Variants in MSRA observed in about 807,000 individuals in gnomAD.
The protein encoded by MSRA is mitochondrial peptide methionine sulfoxide reductase.
Under a neutral mutation model 31.3 loss-of-function variants are expected in MSRA, and 54 were observed. That is an observed-to-expected ratio of 1.73 (90% CI 1.39 to 2.17). The LOEUF (loss-of-function observed/expected upper bound fraction) is 2.17. Among genes scored for constraint, MSRA ranks in the 30% most tolerant of loss-of-function variants. MSRA has a pLI of 0.00. For synonymous variants in MSRA, 169 were observed against 116.5 expected (o/e 1.45, Z -2.90); for missense variants, 507 against 300.9 (o/e 1.69, Z -5.07).
At chr8:10,341,027 A>C (rs1432502900) in intron 5 of MSRA, among the ~76,000 whole-genome samples, 1 of 152,246 alleles carries the variant, frequency 6.6e-6, no homozygotes, top group Non-Finnish European at 1.5e-5. Flanking sequence ...TTAGATGCCA[A>C]GTGAGAGGTT....
intron 3 of MSRA, among the ~76,000 whole-genome samples, chr8:10,293,089 G>C (rs957595172): frequency 6.6e-6 from 1 of 152,144 alleles, no homozygotes; most frequent in African/African-American, 2.4e-5. Context: ...CAGTAAAATG[G>C]ACATAGGAGC....
intron 3 of MSRA, among the ~76,000 whole-genome samples, chr8:10,281,334 C>T (rs950051383): frequency 1.3e-5 from 2 of 152,096 alleles, no homozygotes; most frequent in Non-Finnish European, 2.9e-5. Context: ...TTGGAAATGT[C>T]GAATAACAAA....
intron 1 of MSRA, among the ~76,000 whole-genome samples, chr8:10,125,968 A>C (rs934987321): frequency 1.4e-4 from 21 of 152,336 alleles, no homozygotes; most frequent in African/African-American, 4.8e-4. Context: ...GAGATTAATC[A>C]AAGGCACCGA....
intron 5 of MSRA, among the ~76,000 whole-genome samples, chr8:10,419,479 A>G (rs1216927236): frequency 1.3e-5 from 2 of 152,184 alleles, no homozygotes; most frequent in Non-Finnish European, 1.5e-5. Flanking sequence ...CTAGTGGGTA[A>G]AGTAGAATAA....
chr8:10,276,838 G>A (rs546969148), intron 3 of MSRA, among the ~76,000 whole-genome samples: 110 of 152,228 alleles, frequency 7.2e-4, no homozygotes, highest in Non-Finnish European at 1.2e-3. Context: ...CCACCTCCCC[G>A]AGGTCTACAT....
At chr8:10,363,738 C>CACACACACACACACA (rs377334413) in intron 5 of MSRA, among the ~76,000 whole-genome samples, 2 of 103,288 alleles carry the variant, frequency 1.9e-5, no homozygotes, top group African/African-American at 6.7e-5. Context: ...GATGCAGTCA[C>CACACACACACACACA]CACACACACA....
At chr8:10,368,087 G>A (rs1227737228) in intron 5 of MSRA, among the ~76,000 whole-genome samples, 1 of 152,144 alleles carries the variant, frequency 6.6e-6, no homozygotes, top group Non-Finnish European at 1.5e-5. Context: ...AGCAGAGCCA[G>A]GCACAGCAGA....
At chr8:10,106,511 T>G (rs1271172778) in intron 1 of MSRA, among the ~76,000 whole-genome samples, 1 of 152,220 alleles carries the variant, frequency 6.6e-6, no homozygotes, top group Non-Finnish European at 1.5e-5. Context: ...TTACAAACCC[T>G]GTTTTCTCTA....
intron 1 of MSRA, among the ~76,000 whole-genome samples, chr8:10,195,082 C>G (rs980045506): frequency 1.3e-5 from 2 of 152,136 alleles, no homozygotes; most frequent in African/African-American, 4.8e-5. Flanking sequence ...TTCTTTATAA[C>G]AATGCTGATT....
At chr8:10,214,450 G>T (rs955247088) in intron 2 of MSRA, among the ~76,000 whole-genome samples, 2 of 152,110 alleles carry the variant, frequency 1.3e-5, no homozygotes, top group African/African-American at 4.8e-5. Flanking sequence ...GGAAGCAGCC[G>T]GCAATATGTC....
chr8:10,200,996 G>A (rs746099786), intron 1 of MSRA, among the ~76,000 whole-genome samples: 2 of 152,136 alleles, frequency 1.3e-5, no homozygotes, highest in East Asian at 3.9e-4. Context: ...GGGCTTGTGG[G>A]CCACATAGGA....
At chr8:10,417,767 T>TGTGTGTGTGTGTGTAC (rs1386253668) in intron 5 of MSRA, among the ~76,000 whole-genome samples, 3 of 150,862 alleles carry the variant, frequency 2.0e-5, no homozygotes, top group Non-Finnish European at 4.4e-5. Flanking sequence ...TGTGTGTGTG[T>TGTGTGTGTGTGTGTAC]GTGTGTGTGT....
At chr8:10,068,104 G>A (rs996343166) in intron 1 of MSRA, among the ~76,000 whole-genome samples, 2 of 151,936 alleles carry the variant, frequency 1.3e-5, no homozygotes, top group Admixed American at 6.6e-5. Flanking sequence ...GGCTGATGTC[G>A]AACTTTTGAC....
intron 1 of MSRA, among the ~76,000 whole-genome samples, chr8:10,097,366 T>A (rs1161774380): frequency 2.6e-5 from 4 of 152,174 alleles, no homozygotes; most frequent in Non-Finnish European, 5.9e-5. Flanking sequence ...ACTCCTAAAA[T>A]GGACGCCAAG....
chr8:10,112,178 C>T (rs1304195547), intron 1 of MSRA, among the ~76,000 whole-genome samples: 1 of 152,150 alleles, frequency 6.6e-6, no homozygotes, highest in Non-Finnish European at 1.5e-5. Context: ...GAGCAACTCA[C>T]CACAATCACG....
chr8:10,363,738 C>CACACACACACACA (rs377334413), intron 5 of MSRA, among the ~76,000 whole-genome samples: 4 of 103,370 alleles, frequency 3.9e-5, no homozygotes, highest in African/African-American at 1.3e-4. Flanking sequence ...GATGCAGTCA[C>CACACACACACACA]CACACACACA....
chr8:10,194,145 C>T lies in MSRA; in HGVS notation c.143-13688C>T, dbSNP rs116103435. On this transcript the variant is annotated intron_variant, in intron 1 of 5. Transcript: ENST00000317173. ...AATACTTGCTGCTGTACGAGTCTCA[C>T]TCTCCCCCTCTCTCCTCCAAAGTAA... Among the ~76,000 whole-genome samples, 366 of 152,294 alleles carry T rather than the reference C, an allele frequency of 2.4e-3. 2 individuals are homozygous for T. Among genetic ancestry groups the T allele is most frequent in the African/African-American group, 8.5e-3 (353 of 41,564 alleles).
intron 5 of MSRA, among the ~76,000 whole-genome samples, chr8:10,405,082 G>A (rs574714031): frequency 2.8e-4 from 43 of 152,288 alleles, no homozygotes; most frequent in Admixed American, 2.4e-3. Context: ...GAGACTCGTG[G>A]CCACCGCTCC....
intron 1 of MSRA, among the ~76,000 whole-genome samples, chr8:10,087,771 C>G (rs868024801): frequency 7.2e-5 from 11 of 152,126 alleles, no homozygotes; most frequent in Admixed American, 1.3e-4. Flanking sequence ...GGAGTGTTTT[C>G]TAAGATTGGC....
Sources: allele counts gnomAD v4.1 joint callset (sites outside exome capture counted in the v4.1 genomes callset), GRCh38; gene constraint gnomAD v4.1.1; transcripts MANE v1.5; gene names NCBI Gene and HGNC (gene_info 2026-07-23, HGNC 2026-07-21).